Variants in PCM1 observed in about 807,000 individuals in gnomAD.
PCM1 encodes the protein pericentriolar material 1 protein.
PCM1 carries 157 observed loss-of-function variants against 241.9 expected under a neutral mutation model. The ratio of observed to expected loss-of-function variants is 0.65; its 90% CI spans 0.57 to 0.74. The LOEUF is 0.74. Among genes scored for constraint, PCM1 ranks in the 30% least tolerant of loss-of-function variants. PCM1 has a pLI of 0.00. For synonymous variants in PCM1, 1,085 were observed against 784.9 expected (o/e 1.38, Z -6.39); for missense variants, 3,478 against 2,360.1 (o/e 1.47, Z -9.81).
chr8:17,935,238 C>T lies in PCM1; in HGVS notation c.-22-351C>T, dbSNP rs181927020. 2.6e-5 allele frequency among the ~76,000 whole-genome samples: 4 copies of T among 152,316 alleles called. 1 individual carries two copies. The highest frequency in any genetic ancestry group is 2.6e-4 in the Admixed American group (4 of 15,302). ...TGTCAGAACAGAGATACTTTCTTTC[C>T]TGGGAGAAGTTCTGGGTCTAGCTGT... is the stretch of plus-strand genomic sequence containing the variant. On this transcript the variant is annotated intron_variant, in intron 2 of 38. Transcript: ENST00000325083.
At chr8:17,957,207 T>C in intron 11 of PCM1, 57 bp from the exon 12 acceptor site, 1 of 1,423,876 alleles carries the variant, frequency 7.0e-7, no homozygotes, top group South Asian at 1.4e-5. Context: ...TAAACTTGGA[T>C]TTCTTTCTCT....
At chr8:17,962,400 T>C (rs886106980) in intron 16 of PCM1, among the ~76,000 whole-genome samples, 11 of 152,298 alleles carry the variant, frequency 7.2e-5, no homozygotes, top group African/African-American at 2.6e-4. Context: ...AAGTTTTAAA[T>C]AATTTTTTCT....
chr8:17,924,481 C>G (rs1381061011), intron 1 of PCM1, among the ~76,000 whole-genome samples: 3 of 152,158 alleles, frequency 2.0e-5, no homozygotes, highest in Non-Finnish European at 1.5e-5. Context: ...ATAGATATCA[C>G]TTTGCTGTTT....
chr8:17,986,509 C>A (rs977837767), intron 26 of PCM1, among the ~76,000 whole-genome samples: 2 of 145,938 alleles, frequency 1.4e-5, no homozygotes, highest in African/African-American at 2.5e-5. Context: ...AGACAAAAGT[C>A]TTCCAGGAAA....
chr8:18,015,616 A>G (rs2093080162), intron 36 of PCM1: 1 of 152,166 alleles, frequency 6.6e-6, no homozygotes, highest in Non-Finnish European at 1.5e-5. Flanking sequence ...TTGTCAGTGG[A>G]ACACTAAATC....
intron 15 of PCM1, 117 bp from the exon 16 acceptor site, chr8:17,961,917 T>A (rs1265584588): frequency 2.7e-6 from 2 of 740,202 alleles, no homozygotes; most frequent in Non-Finnish European, 2.1e-6. Context: ...AGTCAGGGTC[T>A]GATAGCAGAT....
chr8:17,960,411 T>G lies in PCM1; in HGVS notation c.2289T>G (p.Ile763Met), dbSNP rs777345047. Residue 763 changes from isoleucine to methionine, a missense_variant, in exon 15 of 39, where the codon ATT becomes ATG. Ile to Met is a conservative substitution (Grantham distance 10). Transcript: ENST00000325083. ...RKKLIDIQEK[I>M]QALQTACPDL... ...AACTGATTGACATTCAGGAGAAAAT[T>G]CAAGCATTGCAAACGGCATGCCCTG... 6.2e-7 allele frequency: 1 copy of G among 1,604,712 alleles called. No homozygotes were observed. Among genetic ancestry groups the G allele is most frequent in the Non-Finnish European group, 8.5e-7 (1 of 1,176,762 alleles).
rs557532789 is a variant in PCM1 at position 17,937,854 on chromosome 8, G to C, written c.342+475G>C. ...ATTCTTGAGAGATATTTTACTCTTA[G>C]ATCTATATGTCATAGAGACACACAC... On this transcript the variant is annotated intron_variant, in intron 4 of 38. Coordinates refer to ENST00000325083, the MANE Select transcript of PCM1 (RefSeq NM_006197.4). Among the ~76,000 whole-genome samples the C allele has an allele frequency of 1.1e-4, 17 of 152,210 alleles. No homozygotes were observed. The South Asian group carries it at 3.5e-3, about 32-fold the overall frequency.
intron 21 of PCM1, among the ~76,000 whole-genome samples, chr8:17,968,512 A>C (rs748075353): frequency 6.6e-6 from 1 of 152,164 alleles, no homozygotes; most frequent in Non-Finnish European, 1.5e-5. Flanking sequence ...ACTGAAAGAC[A>C]TTATAGTGAT....
rs1267565595 is a variant in PCM1, at chr8:17,937,220, C to T, written c.183C>T (p.Thr61=). ...KFGVESDKRV[T]NDISPESSPG... Reference sequence around the variant, plus strand: ...GTGTAGAAAGTGATAAAAGAGTAACCAATGATATTTCTCCGGAGTCGTCAC... The same window carrying T: ...GTGTAGAAAGTGATAAAAGAGTAACTAATGATATTTCTCCGGAGTCGTCAC... Residue 61 remains threonine, a synonymous_variant, in exon 4 of 39, where the codon ACC becomes ACT. Coordinates refer to ENST00000325083, the MANE Select transcript of PCM1 (RefSeq NM_006197.4). The T allele has an allele frequency of 7.5e-6, 12 of 1,606,018 alleles. No individual in the cohort carries two copies. The highest frequency in any genetic ancestry group is 1.0e-5 in the Non-Finnish European group (12 of 1,174,876).
chr8:18,025,676 A>C lies in PCM1; in HGVS notation c.6049+18A>C, dbSNP rs752513929. The C allele has an allele frequency of 1.1e-5, 15 of 1,345,824 alleles. No homozygotes were observed. The highest frequency in any genetic ancestry group is 2.2e-5 in the Admixed American group (1 of 46,202). 83.4% of individuals were successfully genotyped at this position (1,345,824 alleles called of 1,614,324 possible). A position where few individuals can be genotyped will look rare whatever the true frequency, so the allele number is the denominator to read the frequency against. On this transcript the variant is annotated intron_variant, in intron 38 of 38. Coordinates refer to ENST00000325083, the MANE Select transcript of PCM1 (RefSeq NM_006197.4). ...AGAACCTGGTAAGAGTTATCAATTT[A>C]AATCTTGCCATATTGAAAAATCATT...
At chr8:17,964,432 T>G (rs759447031) in intron 17 of PCM1, 136 bp from the exon 18 acceptor site, 1 of 626,590 alleles carries the variant, frequency 1.6e-6, no homozygotes, top group Non-Finnish European at 2.7e-6. Flanking sequence ...ACCCGTAGCA[T>G]AGTTATTGTG....
chr8:17,964,608 GA>G lies in PCM1; in HGVS notation c.2696del (p.Asp899ValfsTer41). ...TWGGSTQCAL[D>X]EEGDEDGYLS... ...GGGAGGGTCTACCCAGTGTGCACTA[GA>G]TGAAGAAGGAGATGAAGACGGTTAC... On this transcript the variant is annotated frameshift_variant, in exon 18 of 39. Coordinates refer to ENST00000325083, the MANE Select transcript of PCM1 (RefSeq NM_006197.4). LOFTEE classifies it high-confidence loss of function. 6.2e-7 allele frequency: 1 copy of G among 1,613,934 alleles called. No individual in the cohort carries two copies. The highest frequency in any genetic ancestry group is 8.5e-7 in the Non-Finnish European group (1 of 1,179,860).
At position 17,980,667 on chromosome 8, in the gene PCM1, G is replaced by A; in HGVS notation, c.4020G>A (p.Glu1340=). 1.2e-6 allele frequency: 2 copies of A among 1,613,358 alleles called. No homozygotes were observed. Among genetic ancestry groups the A allele is most frequent in the Non-Finnish European group, 1.7e-6 (2 of 1,179,530 alleles). The change falls in exon 24 of 39, where the codon GAG becomes GAA. Residue 1340 remains glutamate (E), a synonymous_variant. Transcript: ENST00000325083. ...SRNRHSAQTE[E]PVQAKVFSRK... The stretch of plus-strand genomic sequence containing the variant: ...ACAGACATTCAGCCCAGACTGAAGA[G>A]CCTGTTCAAGCAAAAGTATTCAGCA...
chr8:17,957,548 T>A lies in PCM1; in HGVS notation c.1813T>A (p.Tyr605Asn). 1.9e-6 allele frequency: 3 copies of A among 1,583,882 alleles called. No homozygotes were observed. Among genetic ancestry groups the A allele is most frequent in the Non-Finnish European group, 2.6e-6 (3 of 1,162,990 alleles). Reference protein sequence around the residue: ...LNMPPSLDCRYNREGEQEIHV... With the variant: ...LNMPPSLDCRNNREGEQEIHV... ...ATACATGTTTTCAGCAGATTGTCGA[T>A]ATAATAGAGAAGGGGAACAGGAGAT... Residue 605 changes from tyrosine (Y) to asparagine (N), a missense_variant, in exon 13 of 39, where the codon TAT (tyrosine) becomes AAT (asparagine). Coordinates refer to ENST00000325083, the MANE Select transcript of PCM1 (RefSeq NM_006197.4).
intron 28 of PCM1, among the ~76,000 whole-genome samples, chr8:17,992,694 G>A (rs1004003035): frequency 1.3e-5 from 2 of 148,180 alleles, no homozygotes; most frequent in South Asian, 2.1e-4. Flanking sequence ...TCAGCTCACT[G>A]CATCCTCTGC....
At chr8:18,017,573 G>T (rs1338740240) in intron 36 of PCM1, among the ~76,000 whole-genome samples, 1 of 152,210 alleles carries the variant, frequency 6.6e-6, no homozygotes, top group African/African-American at 2.4e-5. Flanking sequence ...CCAAGGCTGG[G>T]CCAGGCATGG....
At position 17,963,096 on chromosome 8, in the gene PCM1, A is replaced by C. The variant is rs1189316012; in HGVS notation, c.2464-5A>C. 6.3e-7 allele frequency: 1 copy of C among 1,595,038 alleles called. No homozygotes were observed. Among genetic ancestry groups the C allele is most frequent in the East Asian group, 2.3e-5 (1 of 44,362 alleles). ...TATTTAACTCTGGTTTCTTAAAAAAAATAGTTGTGGTCAGAAATGAGAAGA... is the reference window on the plus strand; with the variant it reads ...TATTTAACTCTGGTTTCTTAAAAAACATAGTTGTGGTCAGAAATGAGAAGA... On this transcript the variant is annotated splice_region_variant and splice_polypyrimidine_tract_variant and intron_variant, in intron 16 of 38. Coordinates refer to ENST00000325083, the MANE Select transcript of PCM1 (RefSeq NM_006197.4).
intron 24 of PCM1, 90 bp downstream of exon 24, chr8:17,980,845 TCA>T (rs1220663414): frequency 5.6e-6 from 5 of 898,478 alleles, no homozygotes. Context: ...AATTGGTGTT[TCA>T]CACGTATCTA....
Sources: allele counts gnomAD v4.1 joint callset (sites outside exome capture counted in the v4.1 genomes callset), GRCh38; gene constraint gnomAD v4.1.1; transcripts MANE v1.5; gene names NCBI Gene and HGNC (gene_info 2026-07-23, HGNC 2026-07-21).